NPAS3: variants seen among roughly 807,000 people sequenced by gnomAD.
NPAS3 encodes neuronal PAS domain protein 3.
Under a neutral mutation model 73.1 loss-of-function variants are expected in NPAS3, and 14 were observed. That is an observed-to-expected ratio of 0.19 (90% CI 0.13 to 0.30). The LOEUF (loss-of-function observed/expected upper bound fraction) is 0.30, where lower values mean the gene tolerates loss of function less well. Ranked by LOEUF, NPAS3 falls within the 10% of genes least tolerant of loss-of-function variation. The pLI, the probability that NPAS3 is intolerant of heterozygous loss-of-function variation, is 1.00. For missense variants in NPAS3, 1,096 were observed against 1,250.0 expected (o/e 0.88, Z 1.86); for synonymous variants, 620 against 541.5 (o/e 1.14, Z -2.01).
intron 3 of NPAS3, among the ~76,000 whole-genome samples, chr14:33,349,758 T>C (rs769857997): frequency 1.3e-5 from 2 of 152,218 alleles, no homozygotes; most frequent in Non-Finnish European, 2.9e-5. Context: ...AATTTGTCCT[T>C]TTCCCGTCCT....
chr14:33,785,006 T>C (rs1388394154), intron 9 of NPAS3, among the ~76,000 whole-genome samples: 1 of 151,568 alleles, frequency 6.6e-6, no homozygotes, highest in Non-Finnish European at 1.5e-5. Context: ...TACCTGGGCC[T>C]CCCAACGGGC....
chr14:33,644,263 C>T (rs929028173), intron 5 of NPAS3, among the ~76,000 whole-genome samples: 2 of 152,222 alleles, frequency 1.3e-5, no homozygotes, highest in South Asian at 4.1e-4. Context: ...TTTTGGCAAA[C>T]GAGCCATGAA....
intron 5 of NPAS3, 126 bp from the exon 6 acceptor site, chr14:33,676,085 C>A (rs1567116624): frequency 1.3e-5 from 11 of 872,066 alleles, no homozygotes; most frequent in Non-Finnish European, 1.6e-5. Flanking sequence ...GAAGACAGAA[C>A]CAGGATTGTT....
At chr14:32,955,318 C>T (rs534602210) in intron 1 of NPAS3, among the ~76,000 whole-genome samples, 7 of 152,074 alleles carry the variant, frequency 4.6e-5, no homozygotes, top group African/African-American at 1.4e-4. Flanking sequence ...TCACACAGAC[C>T]AAAATATACT....
At chr14:33,212,099 G>T (rs2047061965) in intron 2 of NPAS3, among the ~76,000 whole-genome samples, 1 of 152,176 alleles carries the variant, frequency 6.6e-6, no homozygotes, top group Admixed American at 6.5e-5. Flanking sequence ...TCAATGTGAG[G>T]ATTGCTTATA....
intron 4 of NPAS3, among the ~76,000 whole-genome samples, chr14:33,517,078 C>CTTCTTGGA: frequency 6.6e-6 from 1 of 152,146 alleles, no homozygotes; most frequent in East Asian, 1.9e-4. Context: ...AATGCTGTGG[C>CTTCTTGGA]TTCTTGGATT....
rs1364561514 is a variant in NPAS3 at position 33,647,288 on chromosome 14, CTCTA to C, written c.559-28921_559-28918del. Reference sequence around the variant, plus strand: ...CTTCTTACTCTCTCTCTCTCTCTCTCTCTATATATATATATATATAGCCACATGA... The same window carrying C: ...CTTCTTACTCTCTCTCTCTCTCTCTCTATATATATATATATAGCCACATGA... On this transcript the variant is annotated intron_variant, in intron 5 of 11. Transcript: ENST00000356141. Among the ~76,000 whole-genome samples, 390 of 149,934 alleles carry C rather than the reference CTCTA, an allele frequency of 2.6e-3. 2 individuals are homozygous for C. The highest frequency in any genetic ancestry group is 7.9e-3 in the African/African-American group (315 of 39,736).
chr14:33,361,087 T>G (rs1362134767), intron 3 of NPAS3, among the ~76,000 whole-genome samples: 1 of 152,180 alleles, frequency 6.6e-6, no homozygotes, highest in Non-Finnish European at 1.5e-5. Context: ...TACCAGATTG[T>G]TGGAGAAAGG....
At chr14:33,077,228 A>G (rs117439851) in intron 2 of NPAS3, among the ~76,000 whole-genome samples, 2,611 of 152,116 alleles carry the variant, frequency 0.017, 37 homozygotes, top group South Asian at 0.053. Flanking sequence ...CAGGTTTGCA[A>G]TTCAAAATGG....
At chr14:33,082,316 C>G (rs2041885661) in intron 2 of NPAS3, among the ~76,000 whole-genome samples, 1 of 152,064 alleles carries the variant, frequency 6.6e-6, no homozygotes, top group Non-Finnish European at 1.5e-5. Flanking sequence ...CTGGAGTTAC[C>G]TTAAAAAAAG....
At chr14:32,959,701 G>A (rs566019691) in intron 1 of NPAS3, among the ~76,000 whole-genome samples, 3 of 152,118 alleles carry the variant, frequency 2.0e-5, no homozygotes, top group Admixed American at 6.5e-5. Context: ...TAGAAGCGTC[G>A]GGCATACTTC....
At chr14:33,369,404 C>CAAAAAAAAAAAAAAAAAAAA (rs3058296) in intron 4 of NPAS3, among the ~76,000 whole-genome samples, 19 of 90,934 alleles carry the variant, frequency 2.1e-4, no homozygotes, top group Non-Finnish European at 3.3e-4. Flanking sequence ...GCCTCATTTC[C>CAAAAAAAAAAAAAAAAAAAA]AAAAAAAAAA....
At chr14:33,066,867 A>G (rs1479741289) in intron 2 of NPAS3, among the ~76,000 whole-genome samples, 1 of 152,194 alleles carries the variant, frequency 6.6e-6, no homozygotes, top group Non-Finnish European at 1.5e-5. Context: ...TCTATGTGCA[A>G]TAATGCATAG....
At chr14:33,471,571 TA>T (rs1594970954) in intron 4 of NPAS3, among the ~76,000 whole-genome samples, 1 of 152,234 alleles carries the variant, frequency 6.6e-6, no homozygotes, top group African/African-American at 2.4e-5. Context: ...GATAAGTTTC[TA>T]AGATTACTTT....
intron 3 of NPAS3, among the ~76,000 whole-genome samples, chr14:33,299,753 A>G (rs2042452158): frequency 6.6e-6 from 1 of 152,190 alleles, no homozygotes; most frequent in Admixed American, 6.5e-5. Flanking sequence ...ATAGAATTCC[A>G]GAGCATTTTT....
intron 7 of NPAS3, among the ~76,000 whole-genome samples, chr14:33,752,603 A>C (rs533345787): frequency 6.3e-4 from 96 of 152,358 alleles, no homozygotes; most frequent in South Asian, 2.5e-3. Flanking sequence ...CTTTATAGAC[A>C]TATGCATTCA....
chr14:32,964,160 TAA>T (rs34380538), intron 1 of NPAS3, among the ~76,000 whole-genome samples: 78 of 75,436 alleles, frequency 1.0e-3, no homozygotes, highest in Middle Eastern at 0.018. Context: ...TTTGCTGCAC[TAA>T]AAAAAAAAAA....
At chr14:33,684,997 T>C (rs1168124878) in intron 6 of NPAS3, among the ~76,000 whole-genome samples, 1 of 152,202 alleles carries the variant, frequency 6.6e-6, no homozygotes, top group Non-Finnish European at 1.5e-5. Context: ...AAGAATTAGC[T>C]TGAGGGAAGA....
chr14:32,939,941 C>A (rs886778965), intron 1 of NPAS3, among the ~76,000 whole-genome samples: 1 of 152,188 alleles, frequency 6.6e-6, no homozygotes, highest in Non-Finnish European at 1.5e-5. Context: ...TAGGCCGGGC[C>A]GAGCCCAGAG....
Sources: allele counts gnomAD v4.1 joint callset (sites outside exome capture counted in the v4.1 genomes callset), GRCh38; gene constraint gnomAD v4.1.1; transcripts MANE v1.5; gene names NCBI Gene and HGNC (gene_info 2026-07-23, HGNC 2026-07-21).